The following EP300 variants were observed in gnomAD, a reference collection of about 807,000 sequenced individuals.
The protein encoded by EP300 is EP300 lysine acetyltransferase.
A neutral mutation model predicts 264.0 loss-of-function variants in EP300; 31 were observed. That is an observed-to-expected ratio of 0.12 (90% CI 0.09 to 0.16). The LOEUF (loss-of-function observed/expected upper bound fraction) is 0.16. EP300 is among the 10% of genes least tolerant of loss of function. The pLI is 1.00. For synonymous variants in EP300, 1,340 were observed against 1,045.4 expected (o/e 1.28, Z -5.44); for missense variants, 2,766 against 3,052.9 (o/e 0.91, Z 2.21).
At position 41,168,255 on chromosome 22, in the gene EP300, G is replaced by A. The variant is rs1235386185; in HGVS notation, c.3875-194G>A. On this transcript the variant is annotated intron_variant, in intron 23 of 30. Coordinates refer to ENST00000263253, the MANE Select transcript of EP300 (RefSeq NM_001429.4). Reference sequence around the variant, plus strand: ...ACATGTATTAAAATTAGAATGATATGAAGATTAGCATGTTCCCTGCACTCA... The same window carrying A: ...ACATGTATTAAAATTAGAATGATATAAAGATTAGCATGTTCCCTGCACTCA... The A allele has an allele frequency of 3.8e-5, 23 of 607,616 alleles. No homozygotes were observed. The East Asian group carries it at 6.2e-4, about 16-fold the overall frequency. 37.6% of individuals were successfully genotyped at this position (607,616 alleles called of 1,614,324 possible). A position where few individuals can be genotyped will look rare whatever the true frequency, so the allele number is the denominator to read the frequency against.
At position 41,178,962 on chromosome 22, in the gene EP300, C is replaced by T. The variant is rs544616799; in HGVS notation, c.*6C>T. On this transcript the variant is annotated 3_prime_UTR_variant, in exon 31 of 31. Coordinates refer to ENST00000263253, the MANE Select transcript of EP300 (RefSeq NM_001429.4). The stretch of plus-strand genomic sequence containing the variant: ...GTACACTAGACATACACTAGAGACA[C>T]CTTGTAGTATTTTGGGAGCAAAAAA... 3.7e-6 allele frequency: 6 copies of T among 1,601,708 alleles called. No individual in the cohort carries two copies. The Admixed American group carries it at 5.3e-5, about 14-fold the overall frequency.
rs879634387 is a variant in EP300, at chr22:41,179,886, A to T, written c.*930A>T. On this transcript the variant is annotated 3_prime_UTR_variant, in exon 31 of 31. Transcript: ENST00000263253. ...TCCTTACCCTACCCCCCACTCACAC[A>T]CACACACACACACACACACACACAC... 43 of 37,872 alleles carry T rather than the reference A, an allele frequency of 1.1e-3. 1 individual carries two copies. Among genetic ancestry groups the T allele is most frequent in the South Asian group, 8.3e-3 (5 of 606 alleles). The allele number at this position is 37,872 out of a possible 1,614,324, so 2.3% of individuals were successfully genotyped here.
intron 10 of EP300, among the ~76,000 whole-genome samples, 192 bp downstream of exon 10, chr22:41,141,414 A>G (rs1164756159): frequency 6.6e-6 from 1 of 152,264 alleles, no homozygotes; most frequent in Non-Finnish European, 1.5e-5. Flanking sequence ...ATGTCTGGGC[A>G]TGGTACTTAA....
chr22:41,177,719 C>T lies in EP300; in HGVS notation c.6008C>T (p.Pro2003Leu), dbSNP rs1569121542. 4 of 1,613,744 alleles carry T rather than the reference C, an allele frequency of 2.5e-6. No individual in the cohort carries two copies. Among genetic ancestry groups the T allele is most frequent in the Non-Finnish European group, 3.4e-6 (4 of 1,180,034 alleles). ...TGGAGCCAAGGAGGATTGCCTCAGC[C>T]CCAGCAACTACAGTCTGGGATGCCA... ...PPWSQGGLPQ[P>L]QQLQSGMPRP... is the part of the protein sequence containing the mutation. Residue 2003 changes from proline (P) to leucine (L), a missense_variant, in exon 31 of 31, where the codon CCC (proline) becomes CTC (leucine). Pro to Leu is a moderately conservative substitution (Grantham distance 98, BLOSUM62 -3). Coordinates refer to ENST00000263253, the MANE Select transcript of EP300 (RefSeq NM_001429.4).
At position 41,157,388 on chromosome 22, in the gene EP300, G is replaced by A. The variant is rs2145747906; in HGVS notation, c.3481G>A (p.Gly1161Arg). ...AATTGACCCAGTGATGCAAAGCCTT[G>A]GATACTGTTGTGGCAGAAAGGTAAG... is the stretch of plus-strand genomic sequence containing the variant. ...QEIDPVMQSL[G>R]YCCGRKLEFS... The change falls in exon 18 of 31, where the codon GGA (glycine) becomes AGA (arginine). Residue 1161 changes from glycine (G) to arginine (R), a missense_variant. By Grantham distance (125) the Gly-to-Arg change is moderately radical. Coordinates refer to ENST00000263253, the MANE Select transcript of EP300 (RefSeq NM_001429.4). The A allele has an allele frequency of 6.2e-7, 1 of 1,613,902 alleles. No homozygotes were observed. Among genetic ancestry groups the A allele is most frequent in the Non-Finnish European group, 8.5e-7 (1 of 1,179,982 alleles).
intron 6 of EP300, among the ~76,000 whole-genome samples, chr22:41,133,770 TTACTA>T (rs1279567724): frequency 1.3e-5 from 2 of 152,310 alleles, no homozygotes; most frequent in Admixed American, 6.5e-5. Context: ...CTGTTTTTCT[TTACTA>T]TATAATAACA....
rs1569091287 is a variant in EP300, at chr22:41,119,169, A to ATT, written c.729+1349_729+1350dup. Among the ~76,000 whole-genome samples the ATT allele has an allele frequency of 4.6e-4, 34 of 73,170 alleles. 1 individual carries two copies. The highest frequency in any genetic ancestry group is 1.5e-3 in the East Asian group (4 of 2,642). 48.0% of individuals were successfully genotyped at this position (73,170 alleles called of 152,430 possible). ...AGGCACATACCACCATGCCTGGCTT[A>ATT]TTATTATTTTTTTTTTTTTTTTTTT... On this transcript the variant is annotated intron_variant, in intron 2 of 30. Coordinates refer to ENST00000263253, the MANE Select transcript of EP300 (RefSeq NM_001429.4).
At chr22:41,121,863 C>T (rs2058853803) in intron 2 of EP300, among the ~76,000 whole-genome samples, 1 of 152,258 alleles carries the variant, frequency 6.6e-6, no homozygotes, top group East Asian at 1.9e-4. Context: ...TATTGTTTGT[C>T]ATGCGGGTTC....
chr22:41,179,959 C>G lies in EP300; in HGVS notation c.*1003C>G, dbSNP rs899706930. 1 of 220,256 alleles carries G rather than the reference C, an allele frequency of 4.5e-6. No homozygotes were observed. Among genetic ancestry groups the G allele is most frequent in the African/African-American group, 2.2e-5 (1 of 44,800 alleles). 13.6% of individuals were successfully genotyped at this position (220,256 alleles called of 1,614,324 possible). On this transcript the variant is annotated 3_prime_UTR_variant, in exon 31 of 31. Transcript: ENST00000263253. ...ACTTGAAAATAGCAAAAACCCTCAA[C>G]TGTTGTAAATCATGCAATTAAAGTT...
At position 41,173,802 on chromosome 22, in the gene EP300, A is replaced by G. The variant is rs146245982; in HGVS notation, c.4779+18A>G. On this transcript the variant is annotated intron_variant, in intron 29 of 30. Transcript: ENST00000263253. ...ATAAAGAGGTAAGATGCAGCCACCC[A>G]GAGTTGGGGAAAAACGGCAAGATTT... The G allele has an allele frequency of 1.5e-4, 239 of 1,613,852 alleles. No individual in the cohort carries two copies. The African/African-American group carries it at 3.0e-3, about 20-fold the overall frequency.
chr22:41,096,172 AG>A (rs1351643893), intron 1 of EP300, among the ~76,000 whole-genome samples: 1 of 152,170 alleles, frequency 6.6e-6, no homozygotes, highest in Non-Finnish European at 1.5e-5. Context: ...CAAAAAAAAA[AG>A]ATTATGAAAG....
Position 41,150,097 on chromosome 22 carries a change from TCTG to T in EP300, c.2720_2722del (p.Ala907del). The stretch of plus-strand genomic sequence containing the variant: ...GCAGCCTTCACTTCCTGCTGCACCT[TCTG>T]CTGACCAGCCCCAGCAGCAGCCTCG... On this transcript the variant is annotated inframe_deletion, in exon 14 of 31. Transcript: ENST00000263253. 6.2e-7 allele frequency: 1 copy of T among 1,613,518 alleles called. No homozygotes were observed. The highest frequency in any genetic ancestry group is 1.1e-5 in the South Asian group (1 of 91,070).
chr22:41,101,690 G>C (rs900395339), intron 1 of EP300, among the ~76,000 whole-genome samples: 1 of 152,066 alleles, frequency 6.6e-6, no homozygotes, highest in East Asian at 1.9e-4. Context: ...GGATTACAGG[G>C]GTAAGCCACC....
intron 6 of EP300, among the ~76,000 whole-genome samples, chr22:41,132,832 C>T (rs1219767298): frequency 6.6e-6 from 1 of 152,044 alleles, no homozygotes; most frequent in East Asian, 1.9e-4. Flanking sequence ...GTTCCAGTAT[C>T]CTAATTTGGG....
intron 21 of EP300, among the ~76,000 whole-genome samples, chr22:41,163,158 G>A (rs868203721): frequency 5.7e-4 from 87 of 152,148 alleles, no homozygotes; most frequent in African/African-American, 1.9e-3. Flanking sequence ...GGTTTTGGCC[G>A]GGCACGGTGG....
In EP300 at chr22:41,176,976, G is replaced by C; in HGVS notation, c.5265G>C (p.Leu1755=). The part of the protein sequence containing the change: ...ACQCRNANCS[L]PSCQKMKRVV... ...AGTGTCGGAATGCCAATTGCTCACT[G>C]CCATCCTGCCAGAAGATGAAGCGGG... is the stretch of plus-strand genomic sequence containing the variant. The change falls in exon 31 of 31, where the codon CTG becomes CTC. Residue 1755 remains leucine (L), a synonymous_variant. Transcript: ENST00000263253. 6.2e-7 allele frequency: 1 copy of C among 1,614,148 alleles called. No individual in the cohort carries two copies. The highest frequency in any genetic ancestry group is 8.5e-7 in the Non-Finnish European group (1 of 1,180,034).
At chr22:41,169,228 G>A (rs1486362442) in intron 25 of EP300, 7 of 551,666 alleles carry the variant, frequency 1.3e-5, no homozygotes, top group East Asian at 6.3e-5. Context: ...TAGTATAAAG[G>A]CAATAATAAA....
At chr22:41,176,119 C>A in intron 29 of EP300, 128 bp from the exon 30 acceptor site, 1 of 1,060,388 alleles carries the variant, frequency 9.4e-7, no homozygotes, top group Non-Finnish European at 1.4e-6. Flanking sequence ...ATTCAGGAGG[C>A]CATGGTGGGA....
At chr22:41,093,715 C>G (rs116550733) in intron 1 of EP300, among the ~76,000 whole-genome samples, 1 of 152,228 alleles carries the variant, frequency 6.6e-6, no homozygotes, top group African/African-American at 2.4e-5. Flanking sequence ...GAGCGCAGTT[C>G]ATTTCACATC....
Sources: gnomAD v4.1 joint callset for allele counts (sites outside exome capture counted in the v4.1 genomes callset) on GRCh38, gnomAD v4.1.1 for gene constraint, MANE v1.5 for transcripts, NCBI Gene and HGNC (gene_info 2026-07-23, HGNC 2026-07-21) for gene names.